Variants in PHKB observed in about 807,000 individuals in gnomAD.
PHKB encodes the protein phosphorylase kinase regulatory subunit beta, also known as phosphorylase b kinase regulatory subunit beta.
PHKB carries 122 observed loss-of-function variants against 152.1 expected under a neutral mutation model. The observed-to-expected ratio is 0.80, with a 90% confidence interval of 0.69 to 0.93. The LOEUF (loss-of-function observed/expected upper bound fraction) is 0.93. PHKB is among the 40% of genes least tolerant of loss of function. The pLI is 0.00. For missense variants in PHKB, 1,304 were observed against 1,328.4 expected (o/e 0.98, Z 0.29); for synonymous variants, 436 against 464.9 (o/e 0.94, Z 0.80).
Position 47,491,204 on chromosome 16 carries a change from C to A in PHKB, c.77-6195C>A, listed in dbSNP as rs149773760. On this transcript the variant is annotated intron_variant, in intron 1 of 30. Transcript: ENST00000323584. ...AGCATAAGTAAGGGTGTGGTTAATTCTATATGTCTATAAGGGGACAGACAT... is the reference window on the plus strand; with the variant it reads ...AGCATAAGTAAGGGTGTGGTTAATTATATATGTCTATAAGGGGACAGACAT... 3.9e-3 allele frequency among the ~76,000 whole-genome samples: 591 copies of A among 152,182 alleles called. 3 individuals carry two copies. Among genetic ancestry groups the A allele is most frequent in the Non-Finnish European group, 6.9e-3 (471 of 68,010 alleles).
intron 6 of PHKB, among the ~76,000 whole-genome samples, chr16:47,538,512 C>A (rs1381740777): frequency 6.6e-6 from 1 of 152,226 alleles, no homozygotes. Context: ...TTCTGTGAGG[C>A]CTTAACACCC....
chr16:47,565,419 A>G lies in PHKB; in HGVS notation c.711-14876A>G. ...CCACTTGTAGGGATTGCTGCTCTGT[A>G]TCTGAGCTCTGTGATAGAGCAGGAG... On this transcript the variant is annotated intron_variant, in intron 7 of 30. Coordinates refer to ENST00000323584, the MANE Select transcript of PHKB (RefSeq NM_000293.3). The G allele has an allele frequency of 2.4e-6, 3 of 1,266,138 alleles. No homozygotes were observed. The South Asian group carries it at 3.6e-5, about 15-fold the overall frequency. 78.4% of individuals were successfully genotyped at this position (1,266,138 alleles called of 1,614,324 possible).
chr16:47,476,979 T>C (rs1400610809), intron 1 of PHKB, among the ~76,000 whole-genome samples: 2 of 152,236 alleles, frequency 1.3e-5, no homozygotes, highest in African/African-American at 4.8e-5. Flanking sequence ...TGCAATGTTA[T>C]TAATGTACCT....
intron 14 of PHKB, among the ~76,000 whole-genome samples, chr16:47,621,858 T>C (rs1297883907): frequency 6.6e-6 from 1 of 152,184 alleles, no homozygotes; most frequent in African/African-American, 2.4e-5. Flanking sequence ...TATTTATACC[T>C]GAGCCAATTA....
intron 1 of PHKB, among the ~76,000 whole-genome samples, chr16:47,489,284 C>T (rs1970104836): frequency 6.6e-6 from 1 of 152,254 alleles, no homozygotes; most frequent in East Asian, 1.9e-4. Context: ...ATCTCCTGAC[C>T]TCGTGAGGAG....
At chr16:47,470,523 T>G (rs1282684780) in intron 1 of PHKB, among the ~76,000 whole-genome samples, 2 of 152,210 alleles carry the variant, frequency 1.3e-5, no homozygotes, top group African/African-American at 4.8e-5. Flanking sequence ...AGATTTTGTT[T>G]ATGGCCAGTT....
intron 8 of PHKB, among the ~76,000 whole-genome samples, chr16:47,581,142 G>A (rs1345710451): frequency 2.6e-5 from 4 of 152,180 alleles, no homozygotes; most frequent in Non-Finnish European, 4.4e-5. Flanking sequence ...CATTTTAGGA[G>A]GTTACACAGT....
At position 47,660,768 on chromosome 16, in the gene PHKB, C is replaced by T; in HGVS notation, c.2145C>T (p.Asn715=). 6.2e-7 allele frequency: 1 copy of T among 1,614,106 alleles called. No homozygotes were observed. Among genetic ancestry groups the T allele is most frequent in the East Asian group, 2.2e-5 (1 of 44,872 alleles). Residue 715 remains asparagine, a synonymous_variant, in exon 22 of 31, where the codon AAC becomes AAT. Transcript: ENST00000323584. ...APELGQQPDV[N]ISEWKDKPTH... ...AACTGGGACAGCAGCCGGATGTCAACATTAGTGAATGGAAGGACAAACCCA... is the reference window on the plus strand; with the variant it reads ...AACTGGGACAGCAGCCGGATGTCAATATTAGTGAATGGAAGGACAAACCCA...
At chr16:47,473,762 T>C (rs1051622832) in intron 1 of PHKB, among the ~76,000 whole-genome samples, 7 of 152,200 alleles carry the variant, frequency 4.6e-5, no homozygotes, top group African/African-American at 1.7e-4. Flanking sequence ...AGTAATTGTA[T>C]ATATTTACAG....
At chr16:47,575,256 T>G (rs1462080482) in intron 7 of PHKB, among the ~76,000 whole-genome samples, 1 of 152,224 alleles carries the variant, frequency 6.6e-6, no homozygotes, top group Non-Finnish European at 1.5e-5. Context: ...TTGGTGGGAA[T>G]GTAAATTAAC....
intron 6 of PHKB, among the ~76,000 whole-genome samples, chr16:47,516,823 G>A (rs764568154): frequency 6.6e-6 from 1 of 152,084 alleles, no homozygotes; most frequent in Non-Finnish European, 1.5e-5. Flanking sequence ...ACCCAGTATG[G>A]TTTCTTCTAT....
At chr16:47,566,898 G>A (rs531402186) in intron 7 of PHKB, 2 of 651,246 alleles carry the variant, frequency 3.1e-6, no homozygotes, top group East Asian at 2.9e-5. Flanking sequence ...GTTCTTGAAG[G>A]TCAATAATGG....
At chr16:47,584,217 A>C (rs1340171711) in intron 8 of PHKB, among the ~76,000 whole-genome samples, 1 of 152,140 alleles carries the variant, frequency 6.6e-6, no homozygotes, top group Admixed American at 6.6e-5. Flanking sequence ...AAACATATAT[A>C]ATCCTCAATA....
intron 5 of PHKB, among the ~76,000 whole-genome samples, chr16:47,513,408 G>A (rs192576958): frequency 1.3e-5 from 2 of 152,304 alleles, no homozygotes; most frequent in African/African-American, 4.8e-5. Flanking sequence ...TTTAAGAAGA[G>A]TCACTAAAAT....
intron 14 of PHKB, among the ~76,000 whole-genome samples, chr16:47,622,515 G>A (rs1972634619): frequency 6.6e-6 from 1 of 152,118 alleles, no homozygotes; most frequent in African/African-American, 2.4e-5. Context: ...TTTTTGGTCA[G>A]CTACTTGAGG....
intron 1 of PHKB, among the ~76,000 whole-genome samples, chr16:47,478,955 G>A (rs1969917817): frequency 6.6e-6 from 1 of 152,148 alleles, no homozygotes; most frequent in Non-Finnish European, 1.5e-5. Flanking sequence ...TCAGATCCCT[G>A]AATAGAGTCT....
intron 13 of PHKB, among the ~76,000 whole-genome samples, chr16:47,608,443 CT>C (rs1284159890): frequency 1.3e-5 from 2 of 152,156 alleles, no homozygotes; most frequent in African/African-American, 4.8e-5. Flanking sequence ...CTTTTTTTGG[CT>C]GGGCATGGTG....
chr16:47,566,595 C>A, intron 7 of PHKB: 1 of 1,465,420 alleles, frequency 6.8e-7, no homozygotes, highest in East Asian at 2.3e-5. Context: ...GGGTAGGTTC[C>A]CTAGAAAAGC....
intron 6 of PHKB, among the ~76,000 whole-genome samples, chr16:47,545,684 G>A (rs1432240612): frequency 5.3e-5 from 8 of 152,184 alleles, no homozygotes; most frequent in East Asian, 1.9e-4. Context: ...ATCTTGAAGC[G>A]TGTTTTCCAC....
Sources: allele counts gnomAD v4.1 joint callset (sites outside exome capture counted in the v4.1 genomes callset), GRCh38; gene constraint gnomAD v4.1.1; transcripts MANE v1.5; gene names NCBI Gene and HGNC (gene_info 2026-07-23, HGNC 2026-07-21).